BNC2: variants seen among roughly 807,000 people sequenced by gnomAD.
BNC2 encodes the protein zinc finger protein basonuclin-2.
In BNC2, 20 loss-of-function variants were observed where a neutral mutation model predicts 76.3. The ratio of observed to expected loss-of-function variants is 0.26; its 90% CI spans 0.18 to 0.38. BNC2 has a LOEUF of 0.38. BNC2 is among the 10% of genes least tolerant of loss of function. BNC2 has a pLI of 1.00. For missense variants in BNC2, 1,382 were observed against 1,399.8 expected (o/e 0.99, Z 0.20); for synonymous variants, 582 against 514.8 (o/e 1.13, Z -1.77).
At chr9:16,628,199 G>A (rs1227584298) in intron 3 of BNC2, among the ~76,000 whole-genome samples, 2 of 152,172 alleles carry the variant, frequency 1.3e-5, no homozygotes, top group Non-Finnish European at 2.9e-5. Flanking sequence ...GACCAGCTTA[G>A]AACAAGCCGG....
intron 5 of BNC2, among the ~76,000 whole-genome samples, chr9:16,519,598 AAAGGCTGTCC>A (rs1405447984): frequency 6.6e-6 from 1 of 152,216 alleles, no homozygotes; most frequent in Non-Finnish European, 1.5e-5. Context: ...GGTTAGACGG[AAAGGCTGTCC>A]AAGGCTGCCA....
chr9:16,419,331 C>G lies in BNC2; in HGVS notation c.2958G>C (p.Glu986Asp), dbSNP rs759866043. The part of the protein sequence containing the change: ...SSRESDAGSD[E>D]GILLDDIDGA... ...CGTCAATGTCATCGAGAAGAATCCC[C>G]TCATCGCTGCCTGCGTCGGATTCTC... Residue 986 changes from glutamate to aspartate, a missense_variant, in exon 7 of 7, where the codon GAG (glutamate) becomes GAC (aspartate). Physicochemically the swap from Glu to Asp is conservative, Grantham distance 45. This residue lies in a region of BNC2 where 798 missense variants were observed against 775.5 expected (regional missense o/e 1.03). Transcript: ENST00000380672. The G allele has an allele frequency of 1.2e-6, 2 of 1,612,452 alleles. No homozygotes were observed.
intron 1 of BNC2, among the ~76,000 whole-genome samples, chr9:16,804,736 C>T (rs1265875267): frequency 2.0e-5 from 3 of 152,048 alleles, no homozygotes; most frequent in Non-Finnish European, 2.9e-5. Flanking sequence ...AATGTATTTT[C>T]ACTGCTTGGG....
At chr9:16,502,828 T>C (rs892634095) in intron 5 of BNC2, among the ~76,000 whole-genome samples, 4 of 152,218 alleles carry the variant, frequency 2.6e-5, no homozygotes, top group African/African-American at 9.6e-5. Flanking sequence ...AGGCTTTTAC[T>C]TGATGAAGAG....
chr9:16,866,207 G>A (rs1819539312), intron 1 of BNC2, among the ~76,000 whole-genome samples: 2 of 152,002 alleles, frequency 1.3e-5, no homozygotes, highest in African/African-American at 2.4e-5. Flanking sequence ...GACAATTATT[G>A]AATGTAATAT....
rs115715639 is a variant in BNC2, at chr9:16,579,076, G to C, written c.433+3907C>G. Among the ~76,000 whole-genome samples the C allele has an allele frequency of 7.8e-3, 1,187 of 152,240 alleles. 15 individuals carry two copies. Among genetic ancestry groups the C allele is most frequent in the African/African-American group, 0.027 (1,120 of 41,546 alleles). On this transcript the variant is annotated intron_variant, in intron 4 of 6. Coordinates refer to ENST00000380672, the MANE Select transcript of BNC2 (RefSeq NM_017637.6). Reference sequence around the variant, plus strand: ...GCTAAGATTCCTTAATGTGGGCAGGGTGGTGGTAAGGTAGGAAATCCTTTA... The same window carrying C: ...GCTAAGATTCCTTAATGTGGGCAGGCTGGTGGTAAGGTAGGAAATCCTTTA...
At chr9:16,569,109 T>C (rs1288101758) in intron 4 of BNC2, among the ~76,000 whole-genome samples, 1 of 121,192 alleles carries the variant, frequency 8.3e-6, no homozygotes, top group East Asian at 2.1e-4. Context: ...GTACAAAGGG[T>C]TTTTTTTTTT....
At chr9:16,664,001 C>T (rs1465094779) in intron 3 of BNC2, among the ~76,000 whole-genome samples, 2 of 152,176 alleles carry the variant, frequency 1.3e-5, no homozygotes, top group Non-Finnish European at 2.9e-5. Context: ...ACCCAACTAA[C>T]GTGCCATTAT....
chr9:16,621,669 G>C (rs1328139017), intron 3 of BNC2, among the ~76,000 whole-genome samples: 1 of 152,050 alleles, frequency 6.6e-6, no homozygotes, highest in Non-Finnish European at 1.5e-5. Flanking sequence ...AAGAAAATTG[G>C]ACTGGTGTCT....
intron 5 of BNC2, among the ~76,000 whole-genome samples, chr9:16,454,138 T>G (rs55680086): frequency 1.3e-5 from 2 of 152,100 alleles, no homozygotes; most frequent in Admixed American, 6.5e-5. Context: ...CTGCTTTTTT[T>G]TGTGTTTTTT....
chr9:16,864,259 C>T (rs1214406499), intron 1 of BNC2, among the ~76,000 whole-genome samples: 2 of 152,048 alleles, frequency 1.3e-5, no homozygotes, highest in Non-Finnish European at 2.9e-5. Context: ...ATATATATGA[C>T]ATCTATGAAA....
At chr9:16,832,741 T>G (rs1818605229) in intron 1 of BNC2, among the ~76,000 whole-genome samples, 1 of 152,146 alleles carries the variant, frequency 6.6e-6, no homozygotes, top group Admixed American at 6.5e-5. Context: ...TTTTTTCTTT[T>G]TTTGAGATGG....
At chr9:16,637,718 C>G (rs1039712406) in intron 3 of BNC2, among the ~76,000 whole-genome samples, 3 of 152,192 alleles carry the variant, frequency 2.0e-5, no homozygotes, top group Admixed American at 6.5e-5. Context: ...TAGGGCAAAG[C>G]AGGCCTCACC....
intron 5 of BNC2, among the ~76,000 whole-genome samples, chr9:16,463,591 C>G (rs979596312): frequency 2.1e-5 from 3 of 143,882 alleles, no homozygotes; most frequent in Non-Finnish European, 4.4e-5. Context: ...CCACCGCGCC[C>G]GGCCAAATTC....
chr9:16,658,332 G>C (rs1262902490), intron 3 of BNC2, among the ~76,000 whole-genome samples: 2 of 152,038 alleles, frequency 1.3e-5, no homozygotes, highest in Admixed American at 6.5e-5. Context: ...GTAAGGGAGA[G>C]GGGGAAAAAA....
chr9:16,816,535 A>ATTT (rs1818186874), intron 1 of BNC2, among the ~76,000 whole-genome samples: 1 of 152,250 alleles, frequency 6.6e-6, no homozygotes, highest in Non-Finnish European at 1.5e-5. Context: ...TATACAAAGT[A>ATTT]TAACAATGAC....
chr9:16,481,236 C>G (rs576492459), intron 5 of BNC2, among the ~76,000 whole-genome samples: 1 of 152,040 alleles, frequency 6.6e-6, no homozygotes, highest in South Asian at 2.1e-4. Context: ...ACAGACTACT[C>G]GGCTCTACCA....
At chr9:16,589,506 T>TTTGTTTGC (rs1369648491) in intron 3 of BNC2, among the ~76,000 whole-genome samples, 2 of 149,748 alleles carry the variant, frequency 1.3e-5, no homozygotes, top group African/African-American at 4.9e-5. Context: ...TTTTTGTTTG[T>TTTGTTTGC]TTGTTTGTTT....
At chr9:16,760,849 A>C (rs1825532954) in intron 1 of BNC2, among the ~76,000 whole-genome samples, 1 of 152,188 alleles carries the variant, frequency 6.6e-6, no homozygotes, top group South Asian at 2.1e-4. Context: ...GAAACAGGGG[A>C]AAAAATAATG....
Sources: allele counts gnomAD v4.1 joint callset (sites outside exome capture counted in the v4.1 genomes callset), GRCh38; gene constraint gnomAD v4.1.1; regional missense constraint gnomAD v4.1.1; transcripts MANE v1.5; gene names NCBI Gene and HGNC (gene_info 2026-07-23, HGNC 2026-07-21).